The following ZNF878 variants were observed in gnomAD, a reference collection of about 807,000 sequenced individuals.
ZNF878 encodes zinc finger protein 878.
Under a neutral mutation model 11.1 loss-of-function variants are expected in ZNF878, and 10 were observed. The observed-to-expected ratio is 0.90, with a 90% CI of 0.56 to 1.53. The LOEUF (loss-of-function observed/expected upper bound fraction) is 1.53. Ranked by LOEUF, ZNF878 falls within the 40% of genes most tolerant of loss-of-function variation. The pLI, the probability that ZNF878 is intolerant of heterozygous loss-of-function variation, is 0.00. For missense variants in ZNF878, 548 were observed against 626.1 expected (o/e 0.88, Z 1.33); for synonymous variants, 165 against 209.7 (o/e 0.79, Z 1.84).
intron 1 of ZNF878, among the ~76,000 whole-genome samples, chr19:12,047,595 A>G (rs1975506963): frequency 6.6e-6 from 1 of 152,130 alleles, no homozygotes; most frequent in Admixed American, 6.6e-5. Flanking sequence ...AATTGATAAG[A>G]GAGTCATAAC....
At chr19:12,043,641 A>G (rs952447041), downstream of ZNF878, among the ~76,000 whole-genome samples, 34 of 152,260 alleles carry the variant, frequency 2.2e-4, no homozygotes, top group African/African-American at 7.9e-4. Context: ...ACGTCTCACC[A>G]TATTGCCCAA....
chr19:12,045,106 C>T lies in ZNF878; in HGVS notation c.295G>A (p.Val99Ile). ...DDTLKKKTPG[V>I]QSYESSVCGE... is the part of the protein sequence containing the mutation. ...CACACACTGCTTTCATATGATTGTA[C>T]TCCAGGAGTTTTCTTCTTCAGTGTG... is the stretch of plus-strand genomic sequence containing the variant. Residue 99 changes from valine (V) to isoleucine (I), a missense_variant, in exon 4 of 4, where the codon GTA becomes ATA. Around this residue, in one of 3 missense-constraint regions of ZNF878, gnomAD observed 160 missense variants for 173.3 expected, o/e 0.92. Coordinates refer to ENST00000547628, the MANE Select transcript of ZNF878 (RefSeq NM_001080404.3). The T allele has an allele frequency of 1.9e-6, 3 of 1,613,318 alleles. No homozygotes were observed. Among genetic ancestry groups the T allele is most frequent in the Non-Finnish European group, 2.5e-6 (3 of 1,179,584 alleles).
At chr19:12,049,166 G>A (rs1379788509) in intron 1 of ZNF878, among the ~76,000 whole-genome samples, 1 of 148,576 alleles carries the variant, frequency 6.7e-6, no homozygotes, top group East Asian at 2.0e-4. Flanking sequence ...AGATAATACA[G>A]CTACAAAGAA....
At chr19:12,048,884 C>T (rs906853070) in intron 1 of ZNF878, among the ~76,000 whole-genome samples, 23 of 149,540 alleles carry the variant, frequency 1.5e-4, no homozygotes, top group Admixed American at 4.7e-4. Context: ...AAAGGCTGGG[C>T]GCGGTGCCTC....
chr19:12,045,123 T>C lies in ZNF878; in HGVS notation c.278A>G (p.Lys93Arg), dbSNP rs753741907. Residue 93 changes from lysine to arginine, a missense_variant, in exon 4 of 4, where the codon AAG becomes AGG. Transcript: ENST00000547628. The part of the protein sequence containing the change: ...VLTQVPDDTL[K>R]KKTPGVQSYE... ...TGATTGTACTCCAGGAGTTTTCTTCTTCAGTGTGTCATCTGGAACCTGTGT... is the reference window on the plus strand; with the variant it reads ...TGATTGTACTCCAGGAGTTTTCTTCCTCAGTGTGTCATCTGGAACCTGTGT... 5 of 1,613,228 alleles carry C rather than the reference T, an allele frequency of 3.1e-6. No homozygotes were observed. The South Asian group carries it at 5.5e-5, about 18-fold the overall frequency.
At chr19:12,051,778 G>A (rs1368144996) in intron 1 of ZNF878, among the ~76,000 whole-genome samples, 1 of 152,106 alleles carries the variant, frequency 6.6e-6, no homozygotes, top group Non-Finnish European at 1.5e-5. Context: ...GTGGTGGCTG[G>A]CGCCTGTAGT....
intron 1 of ZNF878, among the ~76,000 whole-genome samples, chr19:12,047,659 T>C (rs559427307): frequency 1.3e-5 from 2 of 151,158 alleles, no homozygotes; most frequent in East Asian, 4.0e-4. Context: ...TGTATGTAGA[T>C]AGAAAAACCT....
intron 1 of ZNF878, among the ~76,000 whole-genome samples, chr19:12,051,424 GT>G (rs1176868169): frequency 6.6e-6 from 1 of 151,426 alleles, no homozygotes; most frequent in African/African-American, 2.4e-5. Flanking sequence ...AAATTTCTTT[GT>G]TTTTTGCCTA....
At position 12,049,168 on chromosome 19, in the gene ZNF878, T is replaced by A. The variant is rs1336163398; in HGVS notation, c.4-2408A>T. On this transcript the variant is annotated intron_variant, in intron 1 of 3. Transcript: ENST00000547628. Reference sequence around the variant, plus strand: ...AAAAAAAAAAAAAAGATAATACAGCTACAAAGAATAACAAAAAGAAGGCTG... The same window carrying A: ...AAAAAAAAAAAAAAGATAATACAGCAACAAAGAATAACAAAAAGAAGGCTG... 2.1e-5 allele frequency among the ~76,000 whole-genome samples: 3 copies of A among 141,172 alleles called. No individual in the cohort carries two copies. In the South Asian group the frequency reaches 6.7e-4, roughly 31 times the overall value. 92.6% of individuals were successfully genotyped at this position (141,172 alleles called of 152,430 possible). A position where few individuals can be genotyped will look rare whatever the true frequency, so the allele number is the denominator to read the frequency against.
intron 1 of ZNF878, 136 bp downstream of exon 1, chr19:12,052,663 G>A (rs971988810): frequency 3.6e-6 from 4 of 1,108,514 alleles, no homozygotes; most frequent in Non-Finnish European, 4.8e-6. Context: ...GGGACCGAGG[G>A]CCGAGCTGCG....
chr19:12,048,854 A>G (rs1477056152), intron 1 of ZNF878, among the ~76,000 whole-genome samples: 3 of 134,514 alleles, frequency 2.2e-5, no homozygotes, highest in Non-Finnish European at 4.4e-5. Context: ...AAAAGAAAAG[A>G]AAAAGAAAAG....
At position 12,044,751 on chromosome 19, in the gene ZNF878, T is replaced by C; in HGVS notation, c.650A>G (p.His217Arg). The change falls in exon 4 of 4, where the codon CAC (histidine) becomes CGC (arginine). Residue 217 changes from histidine to arginine, a missense_variant. Transcript: ENST00000547628. ...ALSYLVSFQT[H>R]MRMHTGERPH... ...TCTCTCTCCAGTGTGCATTCTCATG[T>C]GTGTCTGAAAGCTTACAAGATAAGA... 1 of 1,614,226 alleles carries C rather than the reference T, an allele frequency of 6.2e-7. No individual in the cohort carries two copies. Among genetic ancestry groups the C allele is most frequent in the East Asian group, 2.2e-5 (1 of 44,878 alleles).
rs771310661 is a variant in ZNF878, at chr19:12,043,988, C to T, written c.1413G>A (p.Arg471=). ...TATAGGGTTTCTCTCCAGTGTGAGTCCTTTTATGATAGCGAATAGAATTAG... is the reference window on the plus strand; with the variant it reads ...TATAGGGTTTCTCTCCAGTGTGAGTTCTTTTATGATAGCGAATAGAATTAG... The part of the protein sequence containing the change: ...ISSNSIRYHK[R]THTGEKPYKC... Residue 471 remains arginine, a synonymous_variant, in exon 4 of 4, where the codon AGG becomes AGA. Coordinates refer to ENST00000547628, the MANE Select transcript of ZNF878 (RefSeq NM_001080404.3). 9.9e-6 allele frequency: 16 copies of T among 1,610,396 alleles called. No homozygotes were observed. The South Asian group carries it at 1.7e-4, about 17-fold the overall frequency.
intron 1 of ZNF878, among the ~76,000 whole-genome samples, chr19:12,049,916 G>A (rs1975534465): frequency 6.6e-6 from 1 of 151,666 alleles, no homozygotes. Flanking sequence ...TACTGACATG[G>A]CATCCAATTT....
rs190862460 is a variant in ZNF878 at position 12,046,072 on chromosome 19, G to A, written c.191+296C>T. 18 of 324,752 alleles carry A rather than the reference G, an allele frequency of 5.5e-5. No homozygotes were observed. The Admixed American group carries it at 8.1e-4, about 15-fold the overall frequency. The allele number at this position is 324,752 out of a possible 1,614,324, so 20.1% of individuals were successfully genotyped here. A position where few individuals can be genotyped will look rare whatever the true frequency, so the allele number is the denominator to read the frequency against. ...TTATAAATACGGTCTTTGTCTTTTT[G>A]TCTGTTTAGTTTTGAGTCAGGGTCT... On this transcript the variant is annotated intron_variant, in intron 3 of 3. Transcript: ENST00000547628.
intron 1 of ZNF878, among the ~76,000 whole-genome samples, chr19:12,050,591 C>T (rs1173584991): frequency 6.6e-6 from 1 of 152,192 alleles, no homozygotes; most frequent in African/African-American, 2.4e-5. Context: ...GGGAACCTTC[C>T]ATTCCCTGAT....
At chr19:12,050,522 T>C (rs1975539455) in intron 1 of ZNF878, among the ~76,000 whole-genome samples, 1 of 152,158 alleles carries the variant, frequency 6.6e-6, no homozygotes, top group Non-Finnish European at 1.5e-5. Flanking sequence ...TCTTGAGGTT[T>C]AAAGGAATGC....
At position 12,052,930 on chromosome 19, in the gene ZNF878, A is replaced by C; in HGVS notation, c.-129T>G. The C allele has an allele frequency of 7.1e-7, 1 of 1,411,380 alleles. No homozygotes were observed. Among genetic ancestry groups the C allele is most frequent in the South Asian group, 1.3e-5 (1 of 77,470 alleles). The allele number at this position is 1,411,380 out of a possible 1,614,324, so 87.4% of individuals were successfully genotyped here. On this transcript the variant is annotated 5_prime_UTR_variant, in exon 1 of 4. Coordinates refer to ENST00000547628, the MANE Select transcript of ZNF878 (RefSeq NM_001080404.3). ...GTCCCTCTCGGAGCAAGAAAGCCCC[A>C]GACCTTAACTAGCGCGAGCAGCCCT...
At position 12,045,019 on chromosome 19, in the gene ZNF878, T is replaced by C. The variant is rs1340989432; in HGVS notation, c.382A>G (p.Ser128Gly). The change falls in exon 4 of 4, where the codon AGT (serine) becomes GGT (glycine). Residue 128 changes from serine to glycine, a missense_variant. By Grantham distance (56) the Ser-to-Gly change is moderately conservative. Around this residue, in one of 3 missense-constraint regions of ZNF878, gnomAD observed 160 missense variants for 173.3 expected, o/e 0.92. Transcript: ENST00000547628. Reference sequence around the variant, plus strand: ...GTTCTTCCATGTATTGCAAGGCTACTGGAATAACTAAAGGCTCTGAGGTGC... The same window carrying C: ...GTTCTTCCATGTATTGCAAGGCTACCGGAATAACTAAAGGCTCTGAGGTGC... The part of the protein sequence containing the change: ...NRHLRAFSYS[S>G]SLAIHGRTHT... The C allele has an allele frequency of 6.2e-7, 1 of 1,614,018 alleles. No homozygotes were observed. The highest frequency in any genetic ancestry group is 1.3e-5 in the African/African-American group (1 of 74,914).
Sources: allele counts gnomAD v4.1 joint callset (sites outside exome capture counted in the v4.1 genomes callset), GRCh38; gene constraint gnomAD v4.1.1; regional missense constraint gnomAD v4.1.1; transcripts MANE v1.5; gene names NCBI Gene and HGNC (gene_info 2026-07-23, HGNC 2026-07-21).